Variants in NRXN1 observed in about 807,000 individuals in gnomAD.
NRXN1 encodes the protein neurexin 1, also known as neurexin-1.
NRXN1 carries 39 observed loss-of-function variants against 150.9 expected under a neutral mutation model. That is an observed-to-expected ratio of 0.26 (90% CI 0.20 to 0.34). The LOEUF is 0.34. NRXN1 is among the 10% of genes least tolerant of loss of function. The pLI is 1.00. For synonymous variants in NRXN1, 924 were observed against 757.0 expected, an observed-to-expected ratio of 1.22 and a Z score of -3.62; for missense variants, 1,815 against 1,949.9, an observed-to-expected ratio of 0.93 and a Z score of 1.30.
At chr2:50,755,393 T>G (rs1701048907) in intron 5 of NRXN1, among the ~76,000 whole-genome samples, 1 of 151,792 alleles carries the variant, frequency 6.6e-6, no homozygotes, top group Admixed American at 6.6e-5. Flanking sequence ...GTTCCAACAT[T>G]ATGTATCCCA....
intron 17 of NRXN1, among the ~76,000 whole-genome samples, chr2:50,298,919 A>C (rs1456638932): frequency 1.3e-5 from 2 of 152,164 alleles, no homozygotes; most frequent in African/African-American, 2.4e-5. Flanking sequence ...CAGATAGTAC[A>C]TGCTCTCTGC....
chr2:50,629,441 A>AT (rs1406307781), intron 5 of NRXN1, among the ~76,000 whole-genome samples: 3 of 151,696 alleles, frequency 2.0e-5, no homozygotes, highest in African/African-American at 7.2e-5. Context: ...GTTGTTGTAA[A>AT]TCAAGACAGT....
chr2:50,539,957 C>CT (rs1365835884), intron 9 of NRXN1, among the ~76,000 whole-genome samples: 1 of 152,138 alleles, frequency 6.6e-6, no homozygotes, highest in African/African-American at 2.4e-5. Context: ...AAACACATAT[C>CT]TAACTAAGGA....
chr2:50,181,976 T>G (rs1326942190), intron 18 of NRXN1, among the ~76,000 whole-genome samples: 1 of 151,962 alleles, frequency 6.6e-6, no homozygotes, highest in Non-Finnish European at 1.5e-5. Context: ...ACGCTATTAA[T>G]TTTTCAACTT....
intron 18 of NRXN1, among the ~76,000 whole-genome samples, chr2:50,155,952 TTTAAG>T (rs1276224215): frequency 6.6e-6 from 1 of 151,726 alleles, no homozygotes; most frequent in African/African-American, 2.4e-5. Context: ...TATTTGCATA[TTTAAG>T]TTGACAAATT....
chr2:50,404,583 T>C (rs1290210937), intron 17 of NRXN1, among the ~76,000 whole-genome samples: 1 of 152,146 alleles, frequency 6.6e-6, no homozygotes, highest in East Asian at 1.9e-4. Flanking sequence ...TTCTTTAGCC[T>C]ATTTTCTACC....
chr2:50,234,058 G>T (rs1340273331), intron 18 of NRXN1, among the ~76,000 whole-genome samples: 1 of 151,172 alleles, frequency 6.6e-6, no homozygotes, highest in Admixed American at 6.6e-5. Flanking sequence ...CTTCCTGTCT[G>T]GTTTTCATTT....
At chr2:50,414,368 ATTATAAAAAC>A (rs200447894) in intron 17 of NRXN1, among the ~76,000 whole-genome samples, 1,955 of 152,096 alleles carry the variant, frequency 0.013, 40 homozygotes, top group African/African-American at 0.044. Flanking sequence ...TGACAAAAAA[ATTATAAAAAC>A]ATACCTTTTT....
intron 18 of NRXN1, among the ~76,000 whole-genome samples, chr2:50,207,372 T>G (rs2062678313): frequency 6.6e-6 from 1 of 152,128 alleles, no homozygotes; most frequent in Admixed American, 6.6e-5. Flanking sequence ...ACCTCTTGAA[T>G]AATCCCTTGT....
intron 5 of NRXN1, among the ~76,000 whole-genome samples, chr2:50,759,264 C>T (rs1385993514): frequency 6.6e-6 from 1 of 151,754 alleles, no homozygotes; most frequent in Non-Finnish European, 1.5e-5. Context: ...ACTCATAAAC[C>T]CCACAGTGCA....
intron 17 of NRXN1, among the ~76,000 whole-genome samples, chr2:50,367,411 G>A (rs549378041): frequency 2.6e-5 from 4 of 151,980 alleles, no homozygotes; most frequent in African/African-American, 9.7e-5. Context: ...ATGTGAGTAA[G>A]TGCAGCCTGC....
chr2:50,878,578 C>T (rs1678957788), intron 5 of NRXN1, among the ~76,000 whole-genome samples: 1 of 151,856 alleles, frequency 6.6e-6, no homozygotes, highest in African/African-American at 2.4e-5. Context: ...GAACCCTGGA[C>T]ATCAGAAAGA....
chr2:50,155,958 T>G (rs1446618575), intron 18 of NRXN1, among the ~76,000 whole-genome samples: 1 of 151,668 alleles, frequency 6.6e-6, no homozygotes, highest in African/African-American at 2.4e-5. Flanking sequence ...CATATTTAAG[T>G]TGACAAATTT....
intron 5 of NRXN1, among the ~76,000 whole-genome samples, chr2:50,893,006 A>C (rs1013635777): frequency 7.9e-5 from 12 of 152,120 alleles, no homozygotes; most frequent in African/African-American, 2.9e-4. Context: ...ATTTTCACCC[A>C]AACAAGAACT....
Position 50,023,472 on chromosome 2 carries a change from A to G in NRXN1, c.4128+29799T>C, listed in dbSNP as rs181571982. On this transcript the variant is annotated intron_variant, in intron 21 of 22. Coordinates refer to ENST00000401669, the MANE Select transcript of NRXN1 (RefSeq NM_001330078.2). ...AAATACATCCCATTTTTTCTCCTGT[A>G]AATGCTTTCAACCTGGTGACCTATG... 7 of 152,138 alleles carry G rather than the reference A, an allele frequency of 4.6e-5. No individual in the cohort carries two copies. The East Asian group carries it at 1.2e-3, about 25-fold the overall frequency. The allele number at this position is 152,138 out of a possible 1,614,324, so 9.4% of individuals were successfully genotyped here. A position where few individuals can be genotyped will look rare whatever the true frequency, so the allele number is the denominator to read the frequency against.
intron 8 of NRXN1, among the ~76,000 whole-genome samples, chr2:50,556,630 GAATAGGGCGT>G (rs1327042271): frequency 6.6e-6 from 1 of 151,806 alleles, no homozygotes; most frequent in Non-Finnish European, 1.5e-5. Flanking sequence ...TAATATGCAA[GAATAGGGCGT>G]AATATGTTTG....
At chr2:50,163,455 C>T (rs1175529405) in intron 18 of NRXN1, among the ~76,000 whole-genome samples, 1 of 152,098 alleles carries the variant, frequency 6.6e-6, no homozygotes, top group Non-Finnish European at 1.5e-5. Context: ...ACTTGATAAT[C>T]AATTTAAAGG....
chr2:50,444,162 T>A (rs967702913), intron 17 of NRXN1, among the ~76,000 whole-genome samples: 1 of 152,220 alleles, frequency 6.6e-6, no homozygotes, highest in Non-Finnish European at 1.5e-5. Flanking sequence ...CATTCTTCTC[T>A]GATAAAAATC....
intron 21 of NRXN1, among the ~76,000 whole-genome samples, chr2:49,956,708 T>G (rs1474459505): frequency 6.6e-6 from 1 of 152,158 alleles, no homozygotes; most frequent in Non-Finnish European, 1.5e-5. Flanking sequence ...TATGATTCCA[T>G]AAGTCAAAGA....
Sources: gnomAD v4.1 joint callset for allele counts (sites outside exome capture counted in the v4.1 genomes callset) on GRCh38, gnomAD v4.1.1 for gene constraint, MANE v1.5 for transcripts, NCBI Gene and HGNC (gene_info 2026-07-23, HGNC 2026-07-21) for gene names.